Variants in HBS1L observed in about 807,000 individuals in gnomAD.
HBS1L encodes the protein HBS1 like translational GTPase.
In HBS1L, 55 loss-of-function variants were observed where a neutral mutation model predicts 88.9. That is an observed-to-expected ratio of 0.62 (90% CI 0.50 to 0.77). The LOEUF (loss-of-function observed/expected upper bound fraction) is 0.77, where lower values mean the gene tolerates loss of function less well. Ranked by LOEUF, HBS1L falls within the 30% of genes least tolerant of loss-of-function variation. The probability of loss-of-function intolerance (pLI) is 0.00; values close to 1 mark genes in which losing one functional copy is unlikely to be tolerated. For missense variants in HBS1L, 741 were observed against 829.3 expected (o/e 0.89, Z 1.31); for synonymous variants, 267 against 288.5 (o/e 0.93, Z 0.76).
chr6:134,988,935 T>C (rs868131091), intron 8 of HBS1L, among the ~76,000 whole-genome samples: 8 of 152,112 alleles, frequency 5.3e-5, no homozygotes, highest in African/African-American at 1.9e-4. Context: ...CCTCTACAGC[T>C]ATTGAAAAAA....
At chr6:135,029,541 A>G (rs896966624) in intron 4 of HBS1L, among the ~76,000 whole-genome samples, 1 of 152,116 alleles carries the variant, frequency 6.6e-6, no homozygotes, top group Non-Finnish European at 1.5e-5. Flanking sequence ...GGTTGGTATA[A>G]TAACAAAAGA....
At chr6:134,973,280 C>G (rs1774544610) in intron 15 of HBS1L, among the ~76,000 whole-genome samples, 1 of 152,158 alleles carries the variant, frequency 6.6e-6, no homozygotes, top group Non-Finnish European at 1.5e-5. Flanking sequence ...GGATGAAATT[C>G]TGATGCATAT....
intron 12 of HBS1L, among the ~76,000 whole-genome samples, chr6:134,983,841 T>C (rs1774901023): frequency 1.3e-5 from 2 of 152,008 alleles, no homozygotes; most frequent in East Asian, 1.9e-4. Flanking sequence ...GAGGAGCCCA[T>C]AGAGAAGATA....
chr6:135,046,308 C>G (rs1311466487), intron 2 of HBS1L, among the ~76,000 whole-genome samples: 1 of 151,718 alleles, frequency 6.6e-6, no homozygotes, highest in Non-Finnish European at 1.5e-5. Context: ...TTTAAACAAG[C>G]TTCCTTATAC....
chr6:134,981,306 G>A (rs1489486807), intron 13 of HBS1L, among the ~76,000 whole-genome samples: 2 of 151,990 alleles, frequency 1.3e-5, no homozygotes, highest in African/African-American at 4.8e-5. Context: ...ACAATGAACA[G>A]ATCTATAGAA....
At chr6:135,008,031 A>G (rs1775662080) in intron 4 of HBS1L, among the ~76,000 whole-genome samples, 1 of 152,184 alleles carries the variant, frequency 6.6e-6, no homozygotes. Context: ...AATGAGGTGA[A>G]TTAAACCACT....
intron 16 of HBS1L, among the ~76,000 whole-genome samples, chr6:134,967,281 C>T (rs1351718268): frequency 6.6e-6 from 1 of 152,120 alleles, no homozygotes; most frequent in African/African-American, 2.4e-5. Context: ...ATCATAAACT[C>T]TCCTTTTGAA....
chr6:134,991,898 T>C (rs565631010), intron 8 of HBS1L, among the ~76,000 whole-genome samples: 1 of 152,142 alleles, frequency 6.6e-6, no homozygotes, highest in South Asian at 2.1e-4. Context: ...TGAGATCCCA[T>C]CTTTACAAAA....
intron 5 of HBS1L, among the ~76,000 whole-genome samples, chr6:135,002,227 T>C (rs1433949970): frequency 6.6e-6 from 1 of 152,172 alleles, no homozygotes; most frequent in African/African-American, 2.4e-5. Flanking sequence ...CACTACATAT[T>C]TGAAATTCTA....
chr6:134,963,094 A>C lies in HBS1L; in HGVS notation c.*2185T>G, dbSNP rs1371042932. ...TCTTAATTCGATCACAGTCTTATAT[A>C]ATATACAGAGTGGATGGTTTCTTGT... is the stretch of plus-strand genomic sequence containing the variant. On this transcript the variant is annotated 3_prime_UTR_variant, in exon 18 of 18. Coordinates refer to ENST00000367837, the MANE Select transcript of HBS1L (RefSeq NM_006620.4). The C allele has an allele frequency of 6.6e-6, 1 of 152,190 alleles. No homozygotes were observed. The highest frequency in any genetic ancestry group is 1.5e-5 in the Non-Finnish European group (1 of 68,038). The allele number at this position is 152,190 out of a possible 1,614,324, so 9.4% of individuals were successfully genotyped here.
chr6:135,002,962 A>G (rs1263696461), intron 4 of HBS1L, 120 bp from the exon 5 acceptor site: 4 of 582,154 alleles, frequency 6.9e-6, no homozygotes, highest in Non-Finnish European at 1.2e-5. Context: ...GTCTTTATAA[A>G]CACATTATCT....
At chr6:135,053,654 T>C (rs1177237966) in intron 1 of HBS1L, among the ~76,000 whole-genome samples, 1 of 152,208 alleles carries the variant, frequency 6.6e-6, no homozygotes, top group Admixed American at 6.5e-5. Context: ...GCCCTCACTC[T>C]AGTTAAAGCA....
intron 15 of HBS1L, among the ~76,000 whole-genome samples, chr6:134,974,013 T>TA (rs1227491921): frequency 2.6e-5 from 4 of 151,906 alleles, no homozygotes; most frequent in Non-Finnish European, 1.5e-5. Context: ...TATTTCCTCT[T>TA]AAAAAATATA....
intron 17 of HBS1L, among the ~76,000 whole-genome samples, 198 bp from the exon 18 acceptor site, chr6:134,965,488 C>G (rs1774286596): frequency 6.6e-6 from 1 of 152,140 alleles, no homozygotes; most frequent in Non-Finnish European, 1.5e-5. Flanking sequence ...ACAAATGACT[C>G]TATCTTATTT....
chr6:135,047,661 T>C (rs906603923), intron 2 of HBS1L, among the ~76,000 whole-genome samples: 1 of 152,174 alleles, frequency 6.6e-6, no homozygotes, highest in African/African-American at 2.4e-5. Context: ...CATATAACAG[T>C]CTCCTAACGA....
chr6:135,053,974 GTTTATTTACAT>G (rs1187252555), intron 1 of HBS1L, among the ~76,000 whole-genome samples: 21 of 152,102 alleles, frequency 1.4e-4, no homozygotes, highest in African/African-American at 5.1e-4. Flanking sequence ...TAGTACTGCC[GTTTATTTACAT>G]TTCAAAATAC....
rs2114729128 is a variant in HBS1L, at chr6:134,961,247, CCT to C, written c.*4030_*4031del. The C allele has an allele frequency of 6.6e-6, 1 of 152,106 alleles. No homozygotes were observed. Among genetic ancestry groups the C allele is most frequent in the East Asian group, 1.9e-4 (1 of 5,184 alleles). The allele number at this position is 152,106 out of a possible 1,614,324, so 9.4% of individuals were successfully genotyped here. On this transcript the variant is annotated 3_prime_UTR_variant, in exon 18 of 18. Coordinates refer to ENST00000367837, the MANE Select transcript of HBS1L (RefSeq NM_006620.4). ...ATAAGTAACTTAATGCTTTTCTTTC[CCT>C]ATTTCATATCCCCATATTTGGTGCA... is the stretch of plus-strand genomic sequence containing the variant.
At chr6:135,026,039 T>C (rs950823655) in intron 4 of HBS1L, among the ~76,000 whole-genome samples, 3 of 152,150 alleles carry the variant, frequency 2.0e-5, no homozygotes, top group Non-Finnish European at 4.4e-5. Context: ...TGCAAAGTCC[T>C]CCAGGAAAGA....
rs186982139 is a variant in HBS1L, at chr6:135,043,310, A to G, written c.110-1184T>C. On this transcript the variant is annotated intron_variant, in intron 2 of 17. Coordinates refer to ENST00000367837, the MANE Select transcript of HBS1L (RefSeq NM_006620.4). ...TATTCAAAAGGCAAGGTATTATTAG[A>G]GGTATTATCTAGCTTTCTATAAGAG... Among the ~76,000 whole-genome samples, 16 of 152,342 alleles carry G rather than the reference A, an allele frequency of 1.1e-4. No individual in the cohort carries two copies. The East Asian group carries it at 2.7e-3, about 26-fold the overall frequency.
Sources: gnomAD v4.1 joint callset for allele counts (sites outside exome capture counted in the v4.1 genomes callset) on GRCh38, gnomAD v4.1.1 for gene constraint, MANE v1.5 for transcripts, NCBI Gene and HGNC (gene_info 2026-07-23, HGNC 2026-07-21) for gene names.